The following FAR1 variants were observed in gnomAD, a reference collection of about 807,000 sequenced individuals.
FAR1 encodes the protein male sterility domain-containing protein 2.
Under a neutral mutation model 61.1 loss-of-function variants are expected in FAR1, and 22 were observed. The observed-to-expected ratio is 0.36, with a 90% CI of 0.26 to 0.51. FAR1 has a LOEUF of 0.51. Ranked by LOEUF, FAR1 falls within the 20% of genes least tolerant of loss-of-function variation. The pLI, the probability that FAR1 is intolerant of heterozygous loss-of-function variation, is 0.95. For missense variants in FAR1, 359 were observed against 626.9 expected (o/e 0.57, Z 4.56); for synonymous variants, 206 against 209.7 (o/e 0.98, Z 0.15).
chr11:13,728,123 G>T (rs940749610), intron 11 of FAR1, among the ~76,000 whole-genome samples: 1 of 151,760 alleles, frequency 6.6e-6, no homozygotes, highest in Non-Finnish European at 1.5e-5. Context: ...CATCTCTAAA[G>T]GTTTGTATTT....
chr11:13,693,786 GTTTC>G (rs1469032722), intron 1 of FAR1, among the ~76,000 whole-genome samples: 1 of 151,864 alleles, frequency 6.6e-6, no homozygotes, highest in African/African-American at 2.4e-5. Context: ...AAATTCTTCT[GTTTC>G]TTTTCTTTCT....
chr11:13,669,830 C>T (rs1847976181), intron 1 of FAR1, among the ~76,000 whole-genome samples: 1 of 151,998 alleles, frequency 6.6e-6, no homozygotes, highest in African/African-American at 2.4e-5. Flanking sequence ...TAATGGCATA[C>T]ATATTGTTTG....
intron 1 of FAR1, among the ~76,000 whole-genome samples, chr11:13,685,294 T>G (rs112825999): frequency 1.8e-3 from 272 of 152,222 alleles, no homozygotes; most frequent in African/African-American, 5.5e-3. Context: ...TTTTTTTTTT[T>G]TTGTTTTTTG....
intron 9 of FAR1, among the ~76,000 whole-genome samples, chr11:13,717,397 A>C (rs1233409530): frequency 3.9e-5 from 6 of 152,188 alleles, no homozygotes; most frequent in Non-Finnish European, 8.8e-5. Flanking sequence ...AGTTTTATTC[A>C]AAAAGAGAGA....
intron 3 of FAR1, among the ~76,000 whole-genome samples, chr11:13,701,404 T>C (rs1212411413): frequency 6.6e-6 from 1 of 152,080 alleles, no homozygotes; most frequent in Non-Finnish European, 1.5e-5. Flanking sequence ...TGTACAGTTA[T>C]GATATGTCAA....
At chr11:13,708,137 G>A (rs1027157394) in intron 4 of FAR1, 58 bp downstream of exon 4, 3 of 1,286,318 alleles carry the variant, frequency 2.3e-6, no homozygotes, top group Admixed American at 2.3e-5. Context: ...GCCAAGGCGG[G>A]CGGATCATGA....
chr11:13,720,604 TATTGA>T (rs1848600039), intron 9 of FAR1: 1 of 152,126 alleles, frequency 6.6e-6, no homozygotes, highest in Non-Finnish European at 1.5e-5. Context: ...TTTCTAAATG[TATTGA>T]ATTGTGTTAT....
chr11:13,670,518 C>T (rs896372250), intron 1 of FAR1, among the ~76,000 whole-genome samples: 1 of 152,252 alleles, frequency 6.6e-6, no homozygotes. Context: ...TCTCGAACCC[C>T]TGACTTCAAG....
chr11:13,725,745 TTTGTAAGCAGCATATAGTTAG>T (rs1453868178), intron 10 of FAR1, among the ~76,000 whole-genome samples: 1 of 152,130 alleles, frequency 6.6e-6, no homozygotes, highest in Non-Finnish European at 1.5e-5. Flanking sequence ...AGATATGTCT[TTTGTAAGCAGCATATAGTTAG>T]TTGTAAGCAG....
chr11:13,723,322 G>A (rs775088378), intron 10 of FAR1: 17 of 367,992 alleles, frequency 4.6e-5, no homozygotes, highest in South Asian at 2.1e-4. Flanking sequence ...ATGTGATCAC[G>A]TCATTGCACT....
At chr11:13,710,204 T>C (rs578245221) in intron 4 of FAR1, among the ~76,000 whole-genome samples, 96 of 152,216 alleles carry the variant, frequency 6.3e-4, no homozygotes, top group African/African-American at 2.2e-3. Context: ...AACATGTTAC[T>C]TCATTAGGTG....
intron 1 of FAR1, among the ~76,000 whole-genome samples, chr11:13,681,253 G>C (rs1255064472): frequency 1.3e-5 from 2 of 152,186 alleles, no homozygotes; most frequent in East Asian, 3.8e-4. Context: ...AAAAAAAACA[G>C]TAAGAAACAA....
At chr11:13,711,685 G>C in intron 5 of FAR1, 79 bp from the exon 6 acceptor site, 3 of 1,033,374 alleles carry the variant, frequency 2.9e-6, no homozygotes, top group Non-Finnish European at 4.4e-6. Flanking sequence ...ATATATTTGG[G>C]GTTGTAGAGT....
chr11:13,714,380 TTG>T, intron 8 of FAR1, 127 bp from the exon 9 acceptor site: 3 of 867,716 alleles, frequency 3.5e-6, no homozygotes, highest in Non-Finnish European at 5.1e-6. Context: ...GTAGAAAAGT[TTG>T]TTTTTTAAAT....
chr11:13,699,882 TCTA>T (rs1449470742), intron 2 of FAR1, among the ~76,000 whole-genome samples: 2 of 152,168 alleles, frequency 1.3e-5, no homozygotes, highest in Non-Finnish European at 2.9e-5. Flanking sequence ...TTTTTTCTAA[TCTA>T]CTAAAAGGGA....
At chr11:13,704,461 GAATCTT>G (rs1282803874) in intron 3 of FAR1, among the ~76,000 whole-genome samples, 12 of 152,134 alleles carry the variant, frequency 7.9e-5, no homozygotes, top group African/African-American at 2.4e-4. Flanking sequence ...AATGTATTAA[GAATCTT>G]AAGAATTACT....
intron 3 of FAR1, among the ~76,000 whole-genome samples, chr11:13,701,965 T>C (rs1416114590): frequency 1.3e-5 from 2 of 152,206 alleles, no homozygotes; most frequent in Non-Finnish European, 2.9e-5. Flanking sequence ...AAGCCTCAGC[T>C]TCCTGATTTA....
rs546703690 is a variant in FAR1 at position 13,676,422 on chromosome 11, G to C, written c.-8+7616G>C. 1.9e-3 allele frequency among the ~76,000 whole-genome samples: 291 copies of C among 152,078 alleles called. 1 individual carries two copies. The highest frequency in any genetic ancestry group is 6.6e-3 in the African/African-American group (274 of 41,482). ...AGAAGTAAAAACTTTGACTTACTGT[G>C]TCCTTAGGCAGTTAAGATCTGTGGA... is the stretch of plus-strand genomic sequence containing the variant. On this transcript the variant is annotated intron_variant, in intron 1 of 11. Transcript: ENST00000354817.
At chr11:13,676,677 G>A (rs1314527789) in intron 1 of FAR1, among the ~76,000 whole-genome samples, 1 of 152,160 alleles carries the variant, frequency 6.6e-6, no homozygotes, top group East Asian at 1.9e-4. Flanking sequence ...TTATGATAAT[G>A]ATTATGAGCA....
Sources: gnomAD v4.1 joint callset for allele counts (sites outside exome capture counted in the v4.1 genomes callset) on GRCh38, gnomAD v4.1.1 for gene constraint, MANE v1.5 for transcripts, NCBI Gene and HGNC (gene_info 2026-07-23, HGNC 2026-07-21) for gene names.